CUL4A: variants seen among roughly 807,000 people sequenced by gnomAD.
CUL4A encodes cullin-4A.
A neutral mutation model predicts 95.5 loss-of-function variants in CUL4A; 16 were observed. The ratio of observed to expected loss-of-function variants is 0.17; its 90% CI spans 0.11 to 0.25. CUL4A has a LOEUF of 0.25. CUL4A is among the 10% of genes least tolerant of loss of function. The pLI, the probability that CUL4A is intolerant of heterozygous loss-of-function variation, is 1.00. For synonymous variants in CUL4A, 380 were observed against 353.1 expected, an observed-to-expected ratio of 1.08 and a Z score of -0.85; for missense variants, 610 against 937.0, an observed-to-expected ratio of 0.65 and a Z score of 4.56.
intron 11 of CUL4A, 71 bp downstream of exon 11, chr13:113,243,231 A>G: frequency 7.0e-7 from 1 of 1,435,724 alleles, no homozygotes; most frequent in Non-Finnish European, 9.5e-7. Context: ...ACAATTTTTT[A>G]ATATGGGAAA....
intron 6 of CUL4A, 125 bp from the exon 7 acceptor site, chr13:113,233,772 G>A: frequency 8.7e-6 from 6 of 693,130 alleles, no homozygotes. Flanking sequence ...CGGCCGGCTG[G>A]GTGGCCACAG....
intron 3 of CUL4A, among the ~76,000 whole-genome samples, chr13:113,225,311 A>G (rs1354922880): frequency 6.6e-5 from 10 of 152,218 alleles, no homozygotes; most frequent in Non-Finnish European, 1.5e-5. Context: ...GTTATATCCC[A>G]GAATATGGAA....
intron 18 of CUL4A, among the ~76,000 whole-genome samples, chr13:113,258,024 G>C (rs190430883): frequency 2.6e-5 from 4 of 151,560 alleles, no homozygotes; most frequent in Non-Finnish European, 5.9e-5. Flanking sequence ...GTTTTGTTTT[G>C]TTTTGTTTTT....
chr13:113,250,553 T>C (rs1196973287), intron 15 of CUL4A, among the ~76,000 whole-genome samples: 2 of 152,228 alleles, frequency 1.3e-5, no homozygotes, highest in African/African-American at 4.8e-5. Context: ...GGGCCTGGAC[T>C]GGTAGCTAGC....
chr13:113,236,869 T>G lies in CUL4A; in HGVS notation c.895T>G (p.Leu299Val). ...GGAGAAACAGCTATTAGGAGAACAT[T>G]TAACAGCAATTCTGCAGAAAGGTAG... ...CVEKQLLGEH[L>V]TAILQKGLDH... The change falls in exon 9 of 20, where the codon TTA (leucine) becomes GTA (valine). Residue 299 changes from leucine to valine, a missense_variant. Transcript: ENST00000375440. 6.2e-7 allele frequency: 1 copy of G among 1,611,874 alleles called. No individual in the cohort carries two copies. Among genetic ancestry groups the G allele is most frequent in the Non-Finnish European group, 8.5e-7 (1 of 1,178,430 alleles).
At chr13:113,222,939 G>A (rs192864535) in intron 3 of CUL4A, among the ~76,000 whole-genome samples, 1 of 152,270 alleles carries the variant, frequency 6.6e-6, no homozygotes, top group East Asian at 1.9e-4. Context: ...GGAGGTGGAT[G>A]AGGGCTGCTG....
intron 6 of CUL4A, 138 bp downstream of exon 6, chr13:113,233,477 A>C: frequency 1.2e-6 from 1 of 814,974 alleles, no homozygotes; most frequent in African/African-American, 1.7e-5. Flanking sequence ...AAATCCCTAG[A>C]AGGGGAATAG....
In CUL4A at chr13:113,263,987, T is replaced by G. The variant is rs2042354138; in HGVS notation, c.*405T>G. On this transcript the variant is annotated 3_prime_UTR_variant, in exon 20 of 20. Transcript: ENST00000375440. Reference sequence around the variant, plus strand: ...TGCTGCATTTTTTAGCTCTGAAGATTCCTTAGGTATCCCTGAAGACAGCTC... The same window carrying G: ...TGCTGCATTTTTTAGCTCTGAAGATGCCTTAGGTATCCCTGAAGACAGCTC... The G allele has an allele frequency of 6.4e-6, 1 of 155,184 alleles. No individual in the cohort carries two copies. Among genetic ancestry groups the G allele is most frequent in the Non-Finnish European group, 1.4e-5 (1 of 69,924 alleles). The allele number at this position is 155,184 out of a possible 1,614,324, so 9.6% of individuals were successfully genotyped here.
At chr13:113,262,959 G>A (rs978787429) in intron 19 of CUL4A, 1 of 139,268 alleles carries the variant, frequency 7.2e-6, no homozygotes, top group East Asian at 2.2e-4. Context: ...TCGCTTATAC[G>A]TGCCCTTGCT....
chr13:113,229,640 A>G (rs1019070725), intron 5 of CUL4A, 121 bp downstream of exon 5: 3 of 791,352 alleles, frequency 3.8e-6, no homozygotes, highest in Non-Finnish European at 6.2e-6. Flanking sequence ...TCCTTTCTTC[A>G]GCCAAAATCA....
At chr13:113,242,196 C>T (rs547609368) in intron 10 of CUL4A, among the ~76,000 whole-genome samples, 7 of 151,392 alleles carry the variant, frequency 4.6e-5, no homozygotes, top group African/African-American at 9.7e-5. Flanking sequence ...ACATGGGAGG[C>T]GGAGGTTGCA....
intron 10 of CUL4A, among the ~76,000 whole-genome samples, chr13:113,242,091 C>A (rs1436019222): frequency 6.6e-6 from 1 of 152,034 alleles, no homozygotes; most frequent in Non-Finnish European, 1.5e-5. Flanking sequence ...CCAAGGCAGG[C>A]AGATCATGAA....
intron 3 of CUL4A, among the ~76,000 whole-genome samples, chr13:113,221,902 A>T (rs2040912363): frequency 6.6e-6 from 1 of 152,220 alleles, no homozygotes; most frequent in Non-Finnish European, 1.5e-5. Flanking sequence ...AAAGGTTCAG[A>T]TAAGCTCCTG....
intron 3 of CUL4A, among the ~76,000 whole-genome samples, chr13:113,220,588 C>A (rs1209958106): frequency 6.6e-6 from 1 of 152,208 alleles, no homozygotes; most frequent in Admixed American, 6.5e-5. Flanking sequence ...GATGCCCAAG[C>A]CTTCTCCCAA....
intron 18 of CUL4A, among the ~76,000 whole-genome samples, chr13:113,258,339 A>G (rs1054784555): frequency 2.0e-5 from 3 of 152,140 alleles, no homozygotes; most frequent in Non-Finnish European, 4.4e-5. Context: ...TATTCTTCCA[A>G]TGAACTTGAC....
intron 16 of CUL4A, 147 bp downstream of exon 16, chr13:113,253,342 G>A (rs1167453945): frequency 2.4e-6 from 1 of 413,814 alleles, no homozygotes; most frequent in Non-Finnish European, 4.2e-6. Flanking sequence ...AACAGTTAAA[G>A]GGTTATTATT....
intron 5 of CUL4A, 91 bp downstream of exon 5, chr13:113,229,610 G>C: frequency 1.9e-6 from 2 of 1,050,548 alleles, no homozygotes; most frequent in Non-Finnish European, 2.8e-6. Context: ...ATGGTAAAGT[G>C]TGTGTGATTA....
rs1421822805 is a variant in CUL4A, at chr13:113,266,944, A to C, written c.*3362A>C. The stretch of plus-strand genomic sequence containing the variant: ...ATTATGCATACATTGTGGACTAGTC[A>C]AGCTAGTTACATCCATCACCTCAAA... On this transcript the variant is annotated 3_prime_UTR_variant, in exon 20 of 20. Transcript: ENST00000375440. 1.3e-5 allele frequency: 2 copies of C among 152,210 alleles called. No individual in the cohort carries two copies. Among genetic ancestry groups the C allele is most frequent in the Non-Finnish European group, 2.9e-5 (2 of 68,042 alleles). The allele number at this position is 152,210 out of a possible 1,614,324, so 9.4% of individuals were successfully genotyped here.
At chr13:113,246,179 A>G in intron 15 of CUL4A, 116 bp downstream of exon 15, 3 of 719,536 alleles carry the variant, frequency 4.2e-6, no homozygotes, top group Non-Finnish European at 7.0e-6. Flanking sequence ...CACTCAGTCC[A>G]AAATCAAAGT....
Sources: allele counts gnomAD v4.1 joint callset (sites outside exome capture counted in the v4.1 genomes callset), GRCh38; gene constraint gnomAD v4.1.1; transcripts MANE v1.5; gene names NCBI Gene and HGNC (gene_info 2026-07-23, HGNC 2026-07-21).